The following CCR8 variants were observed in gnomAD, a reference collection of about 807,000 sequenced individuals.
CCR8 encodes the protein C-C motif chemokine receptor 8.
For missense variants in CCR8, 358 were observed against 417.5 expected (o/e 0.86, Z 1.24); for synonymous variants, 156 against 165.7 (o/e 0.94, Z 0.45).
At chr3:39,330,153 T>G (rs570361760) in intron 1 of CCR8, among the ~76,000 whole-genome samples, 2 of 152,278 alleles carry the variant, frequency 1.3e-5, no homozygotes, top group South Asian at 4.1e-4. Context: ...GTCCTTGTGC[T>G]GGGTACAGGG....
intron 1 of CCR8, among the ~76,000 whole-genome samples, chr3:39,331,433 T>C (rs574046766): frequency 3.7e-4 from 56 of 152,298 alleles, no homozygotes; most frequent in African/African-American, 1.3e-3. Context: ...ACACTAGTTC[T>C]ATCAGATTAG....
At chr3:39,331,654 G>C (rs1477740572) in intron 1 of CCR8, among the ~76,000 whole-genome samples, 1 of 151,752 alleles carries the variant, frequency 6.6e-6, no homozygotes, top group Non-Finnish European at 1.5e-5. Context: ...TTTTAGTAGA[G>C]ACGGGGTTTT....
At chr3:39,332,241 C>T (rs1297163777) in intron 1 of CCR8, 77 bp from the exon 2 acceptor site, 5 of 843,804 alleles carry the variant, frequency 5.9e-6, no homozygotes, top group African/African-American at 5.1e-5. Context: ...ACAGTTCAGT[C>T]CATAACATCC....
In CCR8 at chr3:39,332,780, G is replaced by T; in HGVS notation, c.449G>T (p.Gly150Val). 1 of 1,614,154 alleles carries T rather than the reference G, an allele frequency of 6.2e-7. No homozygotes were observed. Among genetic ancestry groups the T allele is most frequent in the Non-Finnish European group, 8.5e-7 (1 of 1,180,022 alleles). ...CTAAAGGTGAGGACGATCAGGATGG[G>T]CACAACGCTGTGCCTGGCAGTATGG... is the stretch of plus-strand genomic sequence containing the variant. ...YALKVRTIRM[G>V]TTLCLAVWLT... is the part of the protein sequence containing the mutation. Residue 150 changes from glycine to valine, a missense_variant, in exon 2 of 2, where the codon GGC becomes GTC. Physicochemically the swap from Gly to Val is moderately radical, Grantham distance 109. Transcript: ENST00000326306.
chr3:39,331,860 C>T (rs2041259022), intron 1 of CCR8, among the ~76,000 whole-genome samples: 1 of 143,506 alleles, frequency 7.0e-6, no homozygotes, highest in African/African-American at 2.6e-5. Flanking sequence ...CACTCTGTCG[C>T]CCAGGATGGA....
chr3:39,331,178 C>T (rs1337622877), intron 1 of CCR8, among the ~76,000 whole-genome samples: 1 of 152,188 alleles, frequency 6.6e-6, no homozygotes, highest in African/African-American at 2.4e-5. Context: ...TTTCTCATCT[C>T]AGCTGACTCC....
At position 39,332,742 on chromosome 3, in the gene CCR8, T is replaced by C; in HGVS notation, c.411T>C (p.His137=). ...MSVDRYLAVV[H]AVYALKVRTI... Reference sequence around the variant, plus strand: ...TGGACAGGTACCTGGCTGTTGTCCATGCCGTGTATGCCCTAAAGGTGAGGA... The same window carrying C: ...TGGACAGGTACCTGGCTGTTGTCCACGCCGTGTATGCCCTAAAGGTGAGGA... Residue 137 remains histidine (H), a synonymous_variant, in exon 2 of 2, where the codon CAT becomes CAC. Transcript: ENST00000326306. 6.2e-7 allele frequency: 1 copy of C among 1,614,176 alleles called. No homozygotes were observed. The highest frequency in any genetic ancestry group is 1.1e-5 in the South Asian group (1 of 91,082).
intron 1 of CCR8, among the ~76,000 whole-genome samples, chr3:39,330,431 T>G (rs2041247673): frequency 1.3e-5 from 2 of 152,162 alleles, no homozygotes; most frequent in Non-Finnish European, 2.9e-5. Flanking sequence ...TGCTTGTGCT[T>G]TCAAATCATA....
At position 39,333,249 on chromosome 3, in the gene CCR8, G is replaced by C. The variant is rs1298531953; in HGVS notation, c.918G>C (p.Lys306Asn). The C allele has an allele frequency of 6.2e-7, 1 of 1,613,886 alleles. No individual in the cohort carries two copies. Among genetic ancestry groups the C allele is most frequent in the Non-Finnish European group, 8.5e-7 (1 of 1,179,996 alleles). Residue 306 changes from lysine to asparagine, a missense_variant, in exon 2 of 2, where the codon AAG (lysine) becomes AAC (asparagine). By Grantham distance (94) the Lys-to-Asn change is moderately conservative (BLOSUM62 0). Transcript: ENST00000326306. ...NPVIYAFVGE[K>N]FKKHLSEIFQ... ...TTATCTATGCTTTTGTTGGGGAGAAGTTCAAGAAACACCTCTCAGAAATAT... is the reference window on the plus strand; with the variant it reads ...TTATCTATGCTTTTGTTGGGGAGAACTTCAAGAAACACCTCTCAGAAATAT...
rs1350315910 is a variant in CCR8, at chr3:39,332,744, C to T, written c.413C>T (p.Ala138Val). The T allele has an allele frequency of 6.2e-7, 1 of 1,614,126 alleles. No individual in the cohort carries two copies. The highest frequency in any genetic ancestry group is 8.5e-7 in the Non-Finnish European group (1 of 1,180,004). The change falls in exon 2 of 2, where the codon GCC becomes GTC. Residue 138 changes from alanine to valine, a missense_variant. By Grantham distance (64) the Ala-to-Val change is moderately conservative. Coordinates refer to ENST00000326306, the MANE Select transcript of CCR8 (RefSeq NM_005201.4). ...GACAGGTACCTGGCTGTTGTCCATGCCGTGTATGCCCTAAAGGTGAGGACG... is the reference window on the plus strand; with the variant it reads ...GACAGGTACCTGGCTGTTGTCCATGTCGTGTATGCCCTAAAGGTGAGGACG... Reference protein sequence around the residue: ...SVDRYLAVVHAVYALKVRTIR... With the variant: ...SVDRYLAVVHVVYALKVRTIR...
Position 39,332,796 on chromosome 3 carries a change from G to A in CCR8, c.465G>A (p.Leu155=), listed in dbSNP as rs747570344. ...RTIRMGTTLC[L]AVWLTAIMAT... is the part of the protein sequence containing the mutation. ...TCAGGATGGGCACAACGCTGTGCCT[G>A]GCAGTATGGCTAACCGCCATTATGG... is the stretch of plus-strand genomic sequence containing the variant. Residue 155 remains leucine (L), a synonymous_variant, in exon 2 of 2, where the codon CTG becomes CTA. Coordinates refer to ENST00000326306, the MANE Select transcript of CCR8 (RefSeq NM_005201.4). The A allele has an allele frequency of 6.2e-7, 1 of 1,614,140 alleles. No individual in the cohort carries two copies. Among genetic ancestry groups the A allele is most frequent in the Non-Finnish European group, 8.5e-7 (1 of 1,180,002 alleles).
At chr3:39,330,263 G>A (rs1447394177) in intron 1 of CCR8, among the ~76,000 whole-genome samples, 2 of 152,186 alleles carry the variant, frequency 1.3e-5, no homozygotes, top group African/African-American at 4.8e-5. Context: ...GTGGGTGCCT[G>A]TAGTCCCAGC....
chr3:39,332,544 T>C lies in CCR8; in HGVS notation c.213T>C (p.Asp71=), dbSNP rs2125555499. 1 of 1,614,164 alleles carries C rather than the reference T, an allele frequency of 6.2e-7. No individual in the cohort carries two copies. The highest frequency in any genetic ancestry group is 8.5e-7 in the Non-Finnish European group (1 of 1,180,016). Residue 71 remains aspartate (D), a synonymous_variant, in exon 2 of 2, where the codon GAT becomes GAC. Transcript: ENST00000326306. ...VVCKKLRSIT[D]VYLLNLALSD... ...GCAAGAAGCTGAGGAGCATCACAGA[T>C]GTATACCTCTTGAACCTGGCCCTGT...
rs773432668 is a variant in CCR8 at position 39,333,049 on chromosome 3, G to A, written c.718G>A (p.Val240Met). 35 of 1,613,986 alleles carry A rather than the reference G, an allele frequency of 2.2e-5. No homozygotes were observed. In the Admixed American group the frequency reaches 3.0e-4, roughly 14 times the overall value. The change falls in exon 2 of 2, where the codon GTG (valine) becomes ATG (methionine). Residue 240 changes from valine (V) to methionine (M), a missense_variant. Transcript: ENST00000326306. ...CAACAAGACCAAGGCCATCAGGTTG[G>A]TGCTCATTGTGGTCATTGCATCTTT... ...NHNKTKAIRL[V>M]LIVVIASLLF... is the part of the protein sequence containing the mutation.
At chr3:39,330,462 G>A (rs1032008067) in intron 1 of CCR8, among the ~76,000 whole-genome samples, 8 of 152,200 alleles carry the variant, frequency 5.3e-5, no homozygotes, top group Admixed American at 5.2e-4. Context: ...AGAGTGGAGA[G>A]GGGTGTCTGA....
At chr3:39,330,405 A>T (rs775950826) in intron 1 of CCR8, among the ~76,000 whole-genome samples, 11 of 152,172 alleles carry the variant, frequency 7.2e-5, no homozygotes, top group Non-Finnish European at 1.3e-4. Context: ...AAAAATAAAT[A>T]AATTGCTTGC....
intron 1 of CCR8, among the ~76,000 whole-genome samples, chr3:39,331,210 AC>A (rs751673306): frequency 2.0e-5 from 3 of 152,174 alleles, no homozygotes; most frequent in Non-Finnish European, 4.4e-5. Context: ...ATAACAAAAT[AC>A]AATAGACTGA....
At chr3:39,330,291 CAGA>C (rs1351582027) in intron 1 of CCR8, among the ~76,000 whole-genome samples, 1 of 152,122 alleles carries the variant, frequency 6.6e-6, no homozygotes, top group Non-Finnish European at 1.5e-5. Context: ...GAGCCTGGGG[CAGA>C]AGGATTGCTT....
chr3:39,330,980 C>T (rs1202239572), intron 1 of CCR8, among the ~76,000 whole-genome samples: 4 of 146,850 alleles, frequency 2.7e-5, no homozygotes, highest in Non-Finnish European at 3.0e-5. Flanking sequence ...ATCTCTATTG[C>T]ATCAGAAATA....
Sources: allele counts gnomAD v4.1 joint callset (sites outside exome capture counted in the v4.1 genomes callset), GRCh38; gene constraint gnomAD v4.1.1; transcripts MANE v1.5; gene names NCBI Gene and HGNC (gene_info 2026-07-23, HGNC 2026-07-21).